RASA2: variants seen among roughly 807,000 people sequenced by gnomAD.
RASA2 encodes the protein RAS p21 protein activator 2.
RASA2 carries 155 observed loss-of-function variants against 118.2 expected under a neutral mutation model. The ratio of observed to expected loss-of-function variants is 1.31; its 90% CI spans 1.15 to 1.50. The LOEUF (loss-of-function observed/expected upper bound fraction) is 1.50. RASA2 is among the 40% of genes most tolerant of loss of function. The pLI, the probability that RASA2 is intolerant of heterozygous loss-of-function variation, is 0.00. For missense variants in RASA2, 1,016 were observed against 1,009.6 expected, an observed-to-expected ratio of 1.01 and a Z score of -0.09; for synonymous variants, 353 against 349.1, an observed-to-expected ratio of 1.01 and a Z score of -0.12.
intron 8 of RASA2, among the ~76,000 whole-genome samples, chr3:141,559,517 AG>A (rs2082699070): frequency 6.6e-6 from 1 of 152,072 alleles, no homozygotes; most frequent in Admixed American, 6.5e-5. Context: ...TGGAGTGATC[AG>A]GTAATGTATT....
At chr3:141,487,354 G>A (rs1160035829) in intron 1 of RASA2, 138 bp downstream of exon 1, 7 of 1,051,384 alleles carry the variant, frequency 6.7e-6, no homozygotes, top group Non-Finnish European at 8.3e-6. Flanking sequence ...GGGCGCGGTT[G>A]AGGCTGGAAG....
intron 9 of RASA2, among the ~76,000 whole-genome samples, chr3:141,561,088 G>GA (rs914167410): frequency 6.6e-6 from 1 of 152,130 alleles, no homozygotes; most frequent in South Asian, 2.1e-4. Flanking sequence ...CACAGAGGGG[G>GA]AAAAAAATCA....
chr3:141,544,199 T>G (rs1340602468), intron 5 of RASA2, among the ~76,000 whole-genome samples: 1 of 152,174 alleles, frequency 6.6e-6, no homozygotes, highest in African/African-American at 2.4e-5. Flanking sequence ...CTATATGTTT[T>G]AGCTTGATTG....
chr3:141,595,701 T>G (rs541655208), intron 19 of RASA2, among the ~76,000 whole-genome samples: 1 of 152,160 alleles, frequency 6.6e-6, no homozygotes, highest in East Asian at 1.9e-4. Context: ...CAGACATAGC[T>G]CACTGCAGCC....
intron 19 of RASA2, among the ~76,000 whole-genome samples, chr3:141,595,617 C>G (rs1349103924): frequency 6.6e-6 from 1 of 151,622 alleles, no homozygotes; most frequent in Admixed American, 6.6e-5. Flanking sequence ...ATTTTTTTTT[C>G]TTTTTTTCTT....
At chr3:141,566,566 T>A (rs2082823503) in intron 9 of RASA2, among the ~76,000 whole-genome samples, 1 of 152,236 alleles carries the variant, frequency 6.6e-6, no homozygotes, top group Non-Finnish European at 1.5e-5. Context: ...ACATTTATGA[T>A]AAGTTTGGGG....
At chr3:141,573,295 A>G in intron 13 of RASA2, 74 bp downstream of exon 13, 3 of 1,437,444 alleles carry the variant, frequency 2.1e-6, no homozygotes, top group Non-Finnish European at 2.8e-6. Flanking sequence ...CACTTACATT[A>G]TGATAAAGCC....
At chr3:141,542,426 A>G (rs558113530) in intron 5 of RASA2, among the ~76,000 whole-genome samples, 15 of 152,270 alleles carry the variant, frequency 9.9e-5, no homozygotes, top group Admixed American at 5.2e-4. Flanking sequence ...TTTGCAGATG[A>G]CAAAACTGAT....
chr3:141,529,772 A>G lies in RASA2; in HGVS notation c.420A>G (p.Leu140=). The G allele has an allele frequency of 6.2e-7, 1 of 1,611,692 alleles. No individual in the cohort carries two copies. The highest frequency in any genetic ancestry group is 8.5e-7 in the Non-Finnish European group (1 of 1,178,112). The change falls in exon 4 of 24, where the codon TTA becomes TTG. Residue 140 remains leucine (L), a synonymous_variant. Coordinates refer to ENST00000286364, the MANE Select transcript of RASA2 (RefSeq NM_006506.5). ...NHSGKETWFS[L]QPVDSNSEVQ... is the part of the protein sequence containing the mutation. The stretch of plus-strand genomic sequence containing the variant: ...GTGGCAAAGAAACTTGGTTTTCATT[A>G]CAGCCTGTTGACTCCAATTCAGAGG...
Position 141,555,857 on chromosome 3 carries a change from CAAAAGT to C in RASA2, c.633_638del (p.Val212_Lys213del), listed in dbSNP as rs1460681069. On this transcript the variant is annotated inframe_deletion, in exon 7 of 24. Coordinates refer to ENST00000286364, the MANE Select transcript of RASA2 (RefSeq NM_006506.5). ...TGGAACAGGAATGACCAAAAGAAGA[CAAAAGT>C]AAAGAAGAAAACAAGCAATCCGCAG... 6.2e-7 allele frequency: 1 copy of C among 1,612,066 alleles called. No individual in the cohort carries two copies. Among genetic ancestry groups the C allele is most frequent in the Admixed American group, 1.7e-5 (1 of 59,878 alleles).
At position 141,534,381 on chromosome 3, in the gene RASA2, A is replaced by G. The variant is rs564939493; in HGVS notation, c.450+4579A>G. On this transcript the variant is annotated intron_variant, in intron 4 of 23. Transcript: ENST00000286364. Reference sequence around the variant, plus strand: ...AAGACCCCATCTTTATAGGGGGGGGAAAAAGAGTGATTAAACCAAATCTCC... The same window carrying G: ...AAGACCCCATCTTTATAGGGGGGGGGAAAAGAGTGATTAAACCAAATCTCC... Among the ~76,000 whole-genome samples the G allele has an allele frequency of 3.1e-3, 468 of 152,038 alleles. 4 individuals carry two copies. Among genetic ancestry groups the G allele is most frequent in the African/African-American group, 0.01 (428 of 41,488 alleles).
At chr3:141,570,125 T>G (rs2151128521) in intron 9 of RASA2, among the ~76,000 whole-genome samples, 1 of 152,116 alleles carries the variant, frequency 6.6e-6, no homozygotes, top group South Asian at 2.1e-4. Flanking sequence ...ATTTCTGGTT[T>G]TGGTCCTGCA....
intron 3 of RASA2, among the ~76,000 whole-genome samples, chr3:141,519,808 T>A: frequency 6.6e-6 from 1 of 152,046 alleles, no homozygotes; most frequent in East Asian, 1.9e-4. Flanking sequence ...ACTTTTAAGA[T>A]GAGTAAGACT....
chr3:141,598,081 G>A (rs980814289), intron 19 of RASA2, among the ~76,000 whole-genome samples: 1 of 152,134 alleles, frequency 6.6e-6, no homozygotes, highest in Admixed American at 6.5e-5. Context: ...AGAATGCCAG[G>A]CTTAAATAGC....
At chr3:141,507,584 G>A (rs1415829681) in intron 1 of RASA2, among the ~76,000 whole-genome samples, 1 of 152,222 alleles carries the variant, frequency 6.6e-6, no homozygotes, top group Admixed American at 6.5e-5. Flanking sequence ...CCATTAGCAA[G>A]CAGCCACCTT....
chr3:141,610,048 G>A lies in RASA2; in HGVS notation c.2501G>A (p.Ser834Asn). 6.3e-7 allele frequency: 1 copy of A among 1,588,848 alleles called. No individual in the cohort carries two copies. Among genetic ancestry groups the A allele is most frequent in the Non-Finnish European group, 8.6e-7 (1 of 1,169,308 alleles). The change falls in exon 23 of 24, where the codon AGT (serine) becomes AAT (asparagine). Residue 834 changes from serine (S) to asparagine (N), a missense_variant. Transcript: ENST00000286364. ...AAATATAGGAAGAAAAGATCCAGTA[G>A]TGCAAAATATGGGAGCAAGTGAGTA... ...HEKYRKKRSS[S>N]AKYGSKENPI... is the part of the protein sequence containing the mutation.
At chr3:141,551,459 A>G (rs947597297) in intron 5 of RASA2, among the ~76,000 whole-genome samples, 2 of 152,212 alleles carry the variant, frequency 1.3e-5, no homozygotes, top group African/African-American at 2.4e-5. Context: ...ACACGTATCA[A>G]TACTCAGCTG....
At position 141,529,806 on chromosome 3, in the gene RASA2, A is replaced by G. The variant is rs2082235159; in HGVS notation, c.450+4A>G. The G allele has an allele frequency of 6.3e-7, 1 of 1,584,060 alleles. No individual in the cohort carries two copies. The highest frequency in any genetic ancestry group is 1.7e-5 in the Admixed American group (1 of 59,480). On this transcript the variant is annotated splice_donor_region_variant and intron_variant, in intron 4 of 23. Transcript: ENST00000286364. ...TGACTCCAATTCAGAGGTTCAGGTAAATATTAAGGCTTATGTAATACAAGA... is the reference window on the plus strand; with the variant it reads ...TGACTCCAATTCAGAGGTTCAGGTAGATATTAAGGCTTATGTAATACAAGA...
intron 19 of RASA2, among the ~76,000 whole-genome samples, chr3:141,589,440 T>C (rs553880098): frequency 6.6e-6 from 1 of 152,162 alleles, no homozygotes; most frequent in African/African-American, 2.4e-5. Flanking sequence ...CCTACAAACA[T>C]AGACAAAAAA....
Sources: allele counts gnomAD v4.1 joint callset (sites outside exome capture counted in the v4.1 genomes callset), GRCh38; gene constraint gnomAD v4.1.1; transcripts MANE v1.5; gene names NCBI Gene and HGNC (gene_info 2026-07-23, HGNC 2026-07-21).